Variants in CLVS1 observed in about 807,000 individuals in gnomAD.
CLVS1 encodes clavesin-1.
In CLVS1, 10 loss-of-function variants were observed where a neutral mutation model predicts 33.1. The ratio of observed to expected loss-of-function variants is 0.30; its 90% CI spans 0.19 to 0.51. CLVS1 has a LOEUF of 0.51. Ranked by LOEUF, CLVS1 falls within the 20% of genes least tolerant of loss-of-function variation. The pLI is 0.97. For missense variants in CLVS1, 343 were observed against 433.4 expected (o/e 0.79, Z 1.85); for synonymous variants, 163 against 166.1 (o/e 0.98, Z 0.14).
At chr8:61,082,324 C>T (rs1487976055) in intron 1 of CLVS1, among the ~76,000 whole-genome samples, 6 of 150,888 alleles carry the variant, frequency 4.0e-5, no homozygotes, top group East Asian at 1.9e-4. Flanking sequence ...AGATGTAATA[C>T]GTAATGGAAA....
chr8:61,016,692 G>A, the CLVS1 span, among the ~76,000 whole-genome samples: 185 of 152,336 alleles, frequency 1.2e-3, no homozygotes, highest in African/African-American at 3.9e-3. Context: ...CTGCGTAAAT[G>A]TGTGTGTGCT....
chr8:60,976,247 A>G, the CLVS1 span, among the ~76,000 whole-genome samples: 3 of 152,182 alleles, frequency 2.0e-5, no homozygotes, highest in African/African-American at 4.8e-5. Flanking sequence ...CTGATGAGAG[A>G]CTATGAAAAA....
chr8:60,969,597 C>G, the CLVS1 span, among the ~76,000 whole-genome samples: 1 of 152,114 alleles, frequency 6.6e-6, no homozygotes, highest in Non-Finnish European at 1.5e-5. Flanking sequence ...TCTCTGGGAT[C>G]CCCTTGGCCA....
chr8:61,368,253 C>A (rs1813294755), intron 2 of CLVS1, among the ~76,000 whole-genome samples: 1 of 152,150 alleles, frequency 6.6e-6, no homozygotes, highest in Non-Finnish European at 1.5e-5. Context: ...GAAAAAATAT[C>A]CAGGCAGATT....
intron 1 of CLVS1, among the ~76,000 whole-genome samples, chr8:61,295,185 T>C (rs374050915): frequency 2.1e-4 from 32 of 152,322 alleles, no homozygotes; most frequent in Middle Eastern, 3.4e-3. Flanking sequence ...TACAGAATCA[T>C]TTGGGACTAA....
intron 1 of CLVS1, among the ~76,000 whole-genome samples, chr8:61,090,487 A>G (rs529028091): frequency 2.0e-5 from 3 of 152,240 alleles, no homozygotes; most frequent in Admixed American, 1.3e-4. Context: ...GGCAGAAAAC[A>G]GGCTTACAAA....
chr8:61,292,117 GTTTTTT>G, intron 1 of CLVS1: 1 of 251,854 alleles, frequency 4.0e-6, no homozygotes, highest in Non-Finnish European at 8.0e-6. Context: ...GCAAAGAAAA[GTTTTTT>G]TTTTTTTAAT....
chr8:61,108,131 C>T (rs1027816146), intron 1 of CLVS1, among the ~76,000 whole-genome samples: 6 of 148,560 alleles, frequency 4.0e-5, no homozygotes, highest in South Asian at 4.3e-4. Context: ...TTTAGCCAGG[C>T]GTGGTGGTGC....
At chr8:60,985,547 G>A in the CLVS1 span, among the ~76,000 whole-genome samples, 22 of 152,162 alleles carry the variant, frequency 1.4e-4, no homozygotes, top group African/African-American at 4.8e-4. Context: ...CACTACGCTC[G>A]TTCAGGTGGC....
intron 5 of CLVS1, among the ~76,000 whole-genome samples, chr8:61,483,639 C>T (rs919288702): frequency 6.6e-6 from 1 of 151,976 alleles, no homozygotes; most frequent in Non-Finnish European, 1.5e-5. Flanking sequence ...GGCAGAGACA[C>T]AACAAAAAAA....
At chr8:61,281,834 A>G (rs983393203) in intron 2 of CLVS1, among the ~76,000 whole-genome samples, 19 of 152,242 alleles carry the variant, frequency 1.2e-4, no homozygotes, top group African/African-American at 4.1e-4. Context: ...CTCCAGCCAC[A>G]TAAATATACT....
chr8:61,283,271 T>C (rs968421287), upstream of CLVS1, among the ~76,000 whole-genome samples: 3 of 152,226 alleles, frequency 2.0e-5, no homozygotes, highest in Non-Finnish European at 4.4e-5. Flanking sequence ...ACAGGTTGAA[T>C]TACTTTACTC....
At chr8:61,076,525 CAA>C (rs1189916344) in intron 1 of CLVS1, among the ~76,000 whole-genome samples, 5 of 152,164 alleles carry the variant, frequency 3.3e-5, no homozygotes, top group African/African-American at 9.7e-5. Context: ...CTGGCAGGAT[CAA>C]AAGTCAGGCA....
At chr8:61,119,693 T>A (rs1482299231) in intron 1 of CLVS1, among the ~76,000 whole-genome samples, 1 of 139,452 alleles carries the variant, frequency 7.2e-6, no homozygotes, top group Non-Finnish European at 1.5e-5. Context: ...GAATGTTGAA[T>A]ATTGGCCCCC....
At chr8:61,232,029 T>TTTG (rs1808450290) in intron 2 of CLVS1, among the ~76,000 whole-genome samples, 1 of 43,750 alleles carries the variant, frequency 2.3e-5, no homozygotes, top group African/African-American at 9.3e-5. Context: ...TGTGGTTTTT[T>TTTG]TTTTTTTTTT....
intron 1 of CLVS1, among the ~76,000 whole-genome samples, chr8:61,106,187 A>C (rs1158821071): frequency 1.3e-5 from 2 of 152,148 alleles, no homozygotes; most frequent in African/African-American, 4.8e-5. Context: ...GGTTTGTTTA[A>C]TTGAACTGTA....
At chr8:61,219,159 CTTTTTCT>C (rs1201957618) in intron 2 of CLVS1, among the ~76,000 whole-genome samples, 1 of 151,928 alleles carries the variant, frequency 6.6e-6, no homozygotes, top group East Asian at 1.9e-4. Flanking sequence ...CTTATTAATT[CTTTTTCT>C]TTTTTCTTTC....
At chr8:61,196,700 T>C (rs970294878) in intron 2 of CLVS1, among the ~76,000 whole-genome samples, 7 of 152,172 alleles carry the variant, frequency 4.6e-5, no homozygotes, top group Admixed American at 6.5e-5. Context: ...ACAAACGTGT[T>C]TGTGGATTGC....
rs184558557 is a variant in CLVS1, at chr8:61,500,569, G to A, written c.*1027G>A. 7.7e-4 allele frequency: 117 copies of A among 152,212 alleles called. No individual in the cohort carries two copies. The highest frequency in any genetic ancestry group is 2.8e-3 in the African/African-American group (116 of 41,512). The allele number at this position is 152,212 out of a possible 1,614,324, so 9.4% of individuals were successfully genotyped here. A position where few individuals can be genotyped will look rare whatever the true frequency, so the allele number is the denominator to read the frequency against. On this transcript the variant is annotated 3_prime_UTR_variant, in exon 6 of 6. Coordinates refer to ENST00000325897, the MANE Select transcript of CLVS1 (RefSeq NM_173519.3). The stretch of plus-strand genomic sequence containing the variant: ...AGAAATGCAGGATGAAATGTCAAAG[G>A]TCATTTTATTTACCTAGTCTCCTTA...
Sources: allele counts gnomAD v4.1 joint callset (sites outside exome capture counted in the v4.1 genomes callset), GRCh38; gene constraint gnomAD v4.1.1; transcripts MANE v1.5; gene names NCBI Gene and HGNC (gene_info 2026-07-23, HGNC 2026-07-21).